Variants in TACC1 observed in about 807,000 individuals in gnomAD.
TACC1 encodes transforming acidic coiled-coil-containing protein 1.
A neutral mutation model predicts 84.4 loss-of-function variants in TACC1; 48 were observed. The ratio of observed to expected loss-of-function variants is 0.57; its 90% CI spans 0.45 to 0.72. The LOEUF (loss-of-function observed/expected upper bound fraction) is 0.72. TACC1 is among the 30% of genes least tolerant of loss of function. The pLI is 0.00. For synonymous variants in TACC1, 372 were observed against 376.3 expected (o/e 0.99, Z 0.13); for missense variants, 920 against 973.0 (o/e 0.95, Z 0.72).
chr8:38,730,465 C>T (rs150789610), intron 1 of TACC1, among the ~76,000 whole-genome samples: 2 of 152,346 alleles, frequency 1.3e-5, no homozygotes, highest in East Asian at 3.9e-4. Context: ...TTTATGATAA[C>T]AGATTACTTA....
intron 3 of TACC1, among the ~76,000 whole-genome samples, chr8:38,779,083 G>A (rs1354363373): frequency 2.0e-5 from 3 of 151,264 alleles, no homozygotes; most frequent in Non-Finnish European, 2.9e-5. Context: ...GGGCTCAAGC[G>A]ATCCTCCTGG....
At position 38,787,520 on chromosome 8, in the gene TACC1, G is replaced by A; in HGVS notation, c.-63G>A. 6.9e-7 allele frequency: 1 copy of A among 1,450,216 alleles called. No homozygotes were observed. Among genetic ancestry groups the A allele is most frequent in the Non-Finnish European group, 9.0e-7 (1 of 1,106,710 alleles). The allele number at this position is 1,450,216 out of a possible 1,614,324, so 89.8% of individuals were successfully genotyped here. On this transcript the variant is annotated 5_prime_UTR_variant, in exon 1 of 13. Coordinates refer to ENST00000317827, the MANE Select transcript of TACC1 (RefSeq NM_006283.3). Reference sequence around the variant, plus strand: ...TCACCGGTTCCCTCCATTTTGAAAGGGAAAAAGGCTCTCCCCACCCATTCC... The same window carrying A: ...TCACCGGTTCCCTCCATTTTGAAAGAGAAAAAGGCTCTCCCCACCCATTCC...
chr8:38,728,905 G>A (rs1206352829), intron 1 of TACC1, among the ~76,000 whole-genome samples: 1 of 152,130 alleles, frequency 6.6e-6, no homozygotes, highest in Non-Finnish European at 1.5e-5. Flanking sequence ...TGGTGTGGGA[G>A]GTATTAAATG....
At chr8:38,816,702 A>G (rs1587940476) in intron 2 of TACC1, among the ~76,000 whole-genome samples, 1 of 152,212 alleles carries the variant, frequency 6.6e-6, no homozygotes, top group South Asian at 2.1e-4. Context: ...CCATACCTGC[A>G]GGGGTGCAGA....
chr8:38,757,805 C>G (rs1314823854), intron 3 of TACC1, among the ~76,000 whole-genome samples: 1 of 152,158 alleles, frequency 6.6e-6, no homozygotes, highest in Non-Finnish European at 1.5e-5. Context: ...TCTCAAAACG[C>G]AATTGGCGTT....
intron 3 of TACC1, among the ~76,000 whole-genome samples, chr8:38,773,593 T>TCTATCTAGCTAG (rs1563382005): frequency 2.2e-4 from 25 of 113,380 alleles, no homozygotes; most frequent in Non-Finnish European, 3.0e-4. Flanking sequence ...TATCTAGCTA[T>TCTATCTAGCTAG]CTATCTATCT....
rs1401529906 is a variant in TACC1, at chr8:38,838,536, T to C, written c.1906T>C (p.Leu636=). The C allele has an allele frequency of 1.9e-6, 3 of 1,613,660 alleles. No individual in the cohort carries two copies. Among genetic ancestry groups the C allele is most frequent in the African/African-American group, 1.3e-5 (1 of 74,976 alleles). Residue 636 remains leucine (L), a synonymous_variant, in exon 8 of 13, where the codon TTG becomes CTG. Transcript: ENST00000317827. ...ATACGAAGAGACCCGGCAAGAAGTTTTGGAGATGAGGTTAGACTGGAGGTT... is the reference window on the plus strand; with the variant it reads ...ATACGAAGAGACCCGGCAAGAAGTTCTGGAGATGAGGTTAGACTGGAGGTT... The part of the protein sequence containing the change: ...KKYEETRQEV[L]EMRKIVAEYE...
intron 3 of TACC1, among the ~76,000 whole-genome samples, chr8:38,757,006 C>T (rs1478281084): frequency 6.6e-6 from 1 of 152,216 alleles, no homozygotes; most frequent in Non-Finnish European, 1.5e-5. Flanking sequence ...GCGCCCTCCA[C>T]CTGCTGCCCC....
chr8:38,805,333 T>C (rs117892939), intron 2 of TACC1: 10 of 152,380 alleles, frequency 6.6e-5, no homozygotes, highest in Non-Finnish European at 1.3e-4. Context: ...TCTAGAGCTT[T>C]CTTCTTTTGC....
chr8:38,837,153 G>T (rs1258036086), intron 7 of TACC1, among the ~76,000 whole-genome samples: 1 of 136,578 alleles, frequency 7.3e-6, no homozygotes, highest in East Asian at 2.1e-4. Context: ...AGTAGCTCAT[G>T]CCTGTAATCC....
Position 38,852,288 on chromosome 8 carries a change from T to C in TACC1, c.*4265T>C. The C allele has an allele frequency of 4.5e-6, 1 of 223,952 alleles. No homozygotes were observed. Among genetic ancestry groups the C allele is most frequent in the Non-Finnish European group, 9.3e-6 (1 of 108,082 alleles). The allele number at this position is 223,952 out of a possible 1,614,324, so 13.9% of individuals were successfully genotyped here. On this transcript the variant is annotated 3_prime_UTR_variant, in exon 13 of 13. Coordinates refer to ENST00000317827, the MANE Select transcript of TACC1 (RefSeq NM_006283.3). ...TAAATATATATTCTGGTTATAGTTC[T>C]AATATGGAGATGTTGTGTGCAATGC...
chr8:38,820,340 C>G lies in TACC1; in HGVS notation c.1096C>G (p.Gln366Glu). The G allele has an allele frequency of 6.2e-7, 1 of 1,614,182 alleles. No individual in the cohort carries two copies. ...DGISKSAGLEQPTDPVARDGP... is the reference protein window; with the variant it reads ...DGISKSAGLEEPTDPVARDGP... ...CATCAGTAAGTCAGCAGGTTTAGAA[C>G]AGCCTACAGACCCAGTGGCACGAGA... is the stretch of plus-strand genomic sequence containing the variant. Residue 366 changes from glutamine (Q) to glutamate (E), a missense_variant, in exon 3 of 13, where the codon CAG (glutamine) becomes GAG (glutamate). Coordinates refer to ENST00000317827, the MANE Select transcript of TACC1 (RefSeq NM_006283.3).
At chr8:38,737,024 C>T (rs1053271159) in intron 1 of TACC1, among the ~76,000 whole-genome samples, 3 of 152,160 alleles carry the variant, frequency 2.0e-5, no homozygotes, top group African/African-American at 4.8e-5. Flanking sequence ...AGTCATTTGA[C>T]TCAAGGGTTG....
intron 8 of TACC1, chr8:38,839,362 G>A: frequency 2.5e-6 from 1 of 395,170 alleles, no homozygotes. Context: ...GACTAAAGAT[G>A]AAATCAAAGT....
intron 2 of TACC1, among the ~76,000 whole-genome samples, chr8:38,811,760 C>T (rs762823184): frequency 1.3e-5 from 2 of 152,114 alleles, no homozygotes; most frequent in Admixed American, 6.6e-5. Flanking sequence ...AATCAGTGCA[C>T]CTTGAAAAAG....
chr8:38,850,240 C>G lies in TACC1; in HGVS notation c.*2217C>G, dbSNP rs572145955. The G allele has an allele frequency of 6.6e-6, 1 of 152,438 alleles. No homozygotes were observed. Among genetic ancestry groups the G allele is most frequent in the East Asian group, 1.9e-4 (1 of 5,190 alleles). 9.4% of individuals were successfully genotyped at this position (152,438 alleles called of 1,614,324 possible). A position where few individuals can be genotyped will look rare whatever the true frequency, so the allele number is the denominator to read the frequency against. On this transcript the variant is annotated 3_prime_UTR_variant, in exon 13 of 13. Coordinates refer to ENST00000317827, the MANE Select transcript of TACC1 (RefSeq NM_006283.3). ...GGACCTTCGTTAAGTGATAATTGTCCTGGCCTCTCAGCCATGACCGTTATG... is the reference window on the plus strand; with the variant it reads ...GGACCTTCGTTAAGTGATAATTGTCGTGGCCTCTCAGCCATGACCGTTATG...
chr8:38,734,163 C>T (rs1805506202), intron 1 of TACC1, among the ~76,000 whole-genome samples: 1 of 152,082 alleles, frequency 6.6e-6, no homozygotes, highest in Non-Finnish European at 1.5e-5. Context: ...ATGAAGATAC[C>T]AGATACCTTC....
At chr8:38,803,059 G>C (rs1298170921) in intron 2 of TACC1, among the ~76,000 whole-genome samples, 1 of 152,078 alleles carries the variant, frequency 6.6e-6, no homozygotes, top group Non-Finnish European at 1.5e-5. Context: ...AAATGGAATT[G>C]TTTTCTTAAT....
At chr8:38,741,449 G>A (rs962871355) in intron 1 of TACC1, among the ~76,000 whole-genome samples, 12 of 152,122 alleles carry the variant, frequency 7.9e-5, no homozygotes, top group African/African-American at 2.4e-4. Flanking sequence ...AGGAGCCGCC[G>A]CGCCTGGCCC....
Sources: allele counts gnomAD v4.1 joint callset (sites outside exome capture counted in the v4.1 genomes callset), GRCh38; gene constraint gnomAD v4.1.1; transcripts MANE v1.5; gene names NCBI Gene and HGNC (gene_info 2026-07-23, HGNC 2026-07-21).